The following TC2N variants were observed in gnomAD, a reference collection of about 807,000 sequenced individuals.
TC2N encodes tandem C2 domains, nuclear.
In TC2N, 51 loss-of-function variants were observed where a neutral mutation model predicts 61.9. That is an observed-to-expected ratio of 0.82 (90% CI 0.66 to 1.04). The LOEUF (loss-of-function observed/expected upper bound fraction) is 1.04, where lower values mean the gene tolerates loss of function less well. Ranked by LOEUF, TC2N falls within the 50% of genes least tolerant of loss-of-function variation. TC2N has a pLI of 0.00. For synonymous variants in TC2N, 204 were observed against 192.6 expected (o/e 1.06, Z -0.49); for missense variants, 556 against 566.7 (o/e 0.98, Z 0.19).
chr14:91,797,389 T>A (rs1289841135), intron 8 of TC2N, among the ~76,000 whole-genome samples: 1 of 151,902 alleles, frequency 6.6e-6, no homozygotes, highest in East Asian at 1.9e-4. Flanking sequence ...AAAACCAAAC[T>A]CAGGATCATA....
rs1885184234 is a variant in TC2N at position 91,782,754 on chromosome 14, A to G, written c.*346T>C. ...AGACTTGATATACCAGGTTTTGAAT[A>G]TCTAAGTAAAGCTTAAAATACAAAA... On this transcript the variant is annotated 3_prime_UTR_variant, in exon 12 of 12. Transcript: ENST00000435962. 1 of 183,298 alleles carries G rather than the reference A, an allele frequency of 5.5e-6. No individual in the cohort carries two copies. Among genetic ancestry groups the G allele is most frequent in the Non-Finnish European group, 1.1e-5 (1 of 89,044 alleles). The allele number at this position is 183,298 out of a possible 1,614,324, so 11.4% of individuals were successfully genotyped here. A position where few individuals can be genotyped will look rare whatever the true frequency, so the allele number is the denominator to read the frequency against.
At position 91,797,722 on chromosome 14, in the gene TC2N, A is replaced by G. The variant is rs1885965007; in HGVS notation, c.855+63T>C. On this transcript the variant is annotated intron_variant, in intron 8 of 11. Coordinates refer to ENST00000435962, the MANE Select transcript of TC2N (RefSeq NM_001128596.3). ...CTTATTCTGACTTGTTTACATGGGT[A>G]AAAGTGACAAATATAAAAAAAAAAA... is the stretch of plus-strand genomic sequence containing the variant. The G allele has an allele frequency of 5.8e-6, 6 of 1,042,654 alleles. No homozygotes were observed. The South Asian group carries it at 7.1e-5, about 12-fold the overall frequency. 64.6% of individuals were successfully genotyped at this position (1,042,654 alleles called of 1,614,324 possible). A position where few individuals can be genotyped will look rare whatever the true frequency, so the allele number is the denominator to read the frequency against.
chr14:91,796,184 GT>G (rs1167141292), intron 8 of TC2N, among the ~76,000 whole-genome samples: 1 of 151,730 alleles, frequency 6.6e-6, no homozygotes, highest in Non-Finnish European at 1.5e-5. Context: ...ATGAGTTAAG[GT>G]TTATTTCTAG....
At chr14:91,862,343 A>C (rs1303031263) in intron 1 of TC2N, among the ~76,000 whole-genome samples, 1 of 67,046 alleles carries the variant, frequency 1.5e-5, no homozygotes, top group Non-Finnish European at 3.2e-5. Flanking sequence ...CTGTCTCAAA[A>C]AAAAAAAAAA....
At chr14:91,798,843 A>G (rs775684117) in intron 6 of TC2N, 146 bp downstream of exon 6, 12 of 579,958 alleles carry the variant, frequency 2.1e-5, no homozygotes, top group Non-Finnish European at 2.7e-5. Flanking sequence ...TAACACTACC[A>G]ACATAGTTTT....
At chr14:91,865,273 T>C (rs977249176) in intron 1 of TC2N, among the ~76,000 whole-genome samples, 1 of 151,822 alleles carries the variant, frequency 6.6e-6, no homozygotes, top group East Asian at 1.9e-4. Context: ...GAACCATTAG[T>C]AAGTCAAACA....
intron 1 of TC2N, among the ~76,000 whole-genome samples, chr14:91,856,264 G>GA (rs1888480900): frequency 6.6e-6 from 1 of 152,138 alleles, no homozygotes; most frequent in Admixed American, 6.5e-5. Context: ...AGAGGTGGGC[G>GA]AATCACTTGA....
intron 1 of TC2N, among the ~76,000 whole-genome samples, chr14:91,848,390 G>T (rs1358215787): frequency 6.6e-6 from 1 of 152,178 alleles, no homozygotes; most frequent in African/African-American, 2.4e-5. Context: ...GATACAGATT[G>T]TCTACTTTCA....
chr14:91,815,344 C>T (rs1392385098), intron 1 of TC2N, among the ~76,000 whole-genome samples: 1 of 150,050 alleles, frequency 6.7e-6, no homozygotes, highest in African/African-American at 2.5e-5. Flanking sequence ...AAATAAACTG[C>T]ATACTTCATG....
rs1282606543 is a variant in TC2N at position 91,780,151 on chromosome 14, C to T, written c.*2949G>A. ...TTTATCAGGTATTTTCCTCATTACA[C>T]CCAACCAAACACAGAAAGAAATATA... is the stretch of plus-strand genomic sequence containing the variant. On this transcript the variant is annotated 3_prime_UTR_variant, in exon 12 of 12. Coordinates refer to ENST00000435962, the MANE Select transcript of TC2N (RefSeq NM_001128596.3). The T allele has an allele frequency of 1.3e-5, 2 of 152,106 alleles. No homozygotes were observed. Among genetic ancestry groups the T allele is most frequent in the Non-Finnish European group, 2.9e-5 (2 of 68,022 alleles). 9.4% of individuals were successfully genotyped at this position (152,106 alleles called of 1,614,324 possible). A position where few individuals can be genotyped will look rare whatever the true frequency, so the allele number is the denominator to read the frequency against.
Position 91,784,228 on chromosome 14 carries a change from G to A in TC2N, c.1362+934C>T, listed in dbSNP as rs1885254434. Among the ~76,000 whole-genome samples, 5 of 152,010 alleles carry A rather than the reference G, an allele frequency of 3.3e-5. No individual in the cohort carries two copies. The South Asian group carries it at 8.3e-4, about 25-fold the overall frequency. On this transcript the variant is annotated intron_variant, in intron 11 of 11. Transcript: ENST00000435962. Reference sequence around the variant, plus strand: ...GTAAATTTCCTATTCCATTCATACCGTTAAGTTGAGGCTCGATGATATACG... The same window carrying A: ...GTAAATTTCCTATTCCATTCATACCATTAAGTTGAGGCTCGATGATATACG...
At chr14:91,791,757 TA>T (rs201300826) in intron 9 of TC2N, among the ~76,000 whole-genome samples, 81 of 145,798 alleles carry the variant, frequency 5.6e-4, no homozygotes, top group Non-Finnish European at 7.0e-4. Context: ...TAAAAAAACT[TA>T]AAAAAAAAAA....
At chr14:91,803,428 C>CACATAT (rs142304224) in intron 3 of TC2N, among the ~76,000 whole-genome samples, 2 of 147,168 alleles carry the variant, frequency 1.4e-5, no homozygotes, top group African/African-American at 2.5e-5. Context: ...CACACACACA[C>CACATAT]ATATATATAT....
rs144835529 is a variant in TC2N, at chr14:91,847,347, C to T, written c.-57+19915G>A. Among the ~76,000 whole-genome samples the T allele has an allele frequency of 3.5e-4, 53 of 152,198 alleles. 1 individual carries two copies. The East Asian group carries it at 9.5e-3, about 27-fold the overall frequency. On this transcript the variant is annotated intron_variant, in intron 1 of 11. Transcript: ENST00000435962. ...AAACTCCTTTCAACAAAAGCTGGAA[C>T]CTGTGTCCTCTGAACTGCATCTAGG...
At chr14:91,836,583 G>GGCAAGGCGGGGAGGGGCGAC (rs1888023462) in intron 1 of TC2N, 1 of 147,142 alleles carries the variant, frequency 6.8e-6, no homozygotes, top group Non-Finnish European at 1.5e-5. Flanking sequence ...GGCGAGGCGA[G>GGCAAGGCGGGGAGGGGCGAC]GCAAGGCGGG....
rs567562281 is a variant in TC2N at position 91,795,655 on chromosome 14, T to C, written c.855+2130A>G. On this transcript the variant is annotated intron_variant, in intron 8 of 11. Coordinates refer to ENST00000435962, the MANE Select transcript of TC2N (RefSeq NM_001128596.3). ...CTATTGCACACTTAATGGACTACAGTATAAAGATAACTTTTGTATGCACTG... is the reference window on the plus strand; with the variant it reads ...CTATTGCACACTTAATGGACTACAGCATAAAGATAACTTTTGTATGCACTG... Among the ~76,000 whole-genome samples the C allele has an allele frequency of 2.6e-5, 4 of 152,324 alleles. No homozygotes were observed. In the East Asian group the frequency reaches 5.8e-4, roughly 22 times the overall value.
At position 91,792,360 on chromosome 14, in the gene TC2N, C is replaced by A. The variant is rs190606759; in HGVS notation, c.1047+7G>T. On this transcript the variant is annotated splice_region_variant and intron_variant, in intron 9 of 11. Transcript: ENST00000435962. The stretch of plus-strand genomic sequence containing the variant: ...TGAAATACTCTTAACATACTATTAT[C>A]GCTTACAGAAATTTTTGAAGGTGGT... 1 of 1,577,300 alleles carries A rather than the reference C, an allele frequency of 6.3e-7. No individual in the cohort carries two copies. Among genetic ancestry groups the A allele is most frequent in the South Asian group, 1.2e-5 (1 of 84,506 alleles).
At chr14:91,842,173 C>T (rs985814321) in intron 1 of TC2N, among the ~76,000 whole-genome samples, 2 of 151,870 alleles carry the variant, frequency 1.3e-5, no homozygotes, top group African/African-American at 4.8e-5. Flanking sequence ...TGCCCAGAGA[C>T]AAGGTTTCAC....
intron 1 of TC2N, among the ~76,000 whole-genome samples, chr14:91,854,271 A>G (rs922116097): frequency 5.3e-5 from 8 of 152,142 alleles, no homozygotes; most frequent in African/African-American, 1.7e-4. Flanking sequence ...CCTGGGCTTG[A>G]TTTTCCTTAT....
Sources: gnomAD v4.1 joint callset for allele counts (sites outside exome capture counted in the v4.1 genomes callset) on GRCh38, gnomAD v4.1.1 for gene constraint, MANE v1.5 for transcripts, NCBI Gene and HGNC (gene_info 2026-07-23, HGNC 2026-07-21) for gene names.